Variants in SLC38A8 observed in about 807,000 individuals in gnomAD.
The protein encoded by SLC38A8 is amino acid transporter SLC38A8.
In SLC38A8, 65 loss-of-function variants were observed where a neutral mutation model predicts 46.0. The ratio of observed to expected loss-of-function variants is 1.41; its 90% CI spans 1.16 to 1.74. The LOEUF is 1.74. SLC38A8 is among the 40% of genes most tolerant of loss of function. The probability of loss-of-function intolerance (pLI) is 0.00; values close to 1 mark genes in which losing one functional copy is unlikely to be tolerated. For synonymous variants in SLC38A8, 447 were observed against 243.7 expected (o/e 1.83, Z -7.77); for missense variants, 998 against 567.9 (o/e 1.76, Z -7.70).
intron 3 of SLC38A8, among the ~76,000 whole-genome samples, chr16:84,034,003 C>T (rs948921213): frequency 6.6e-6 from 1 of 152,182 alleles, no homozygotes; most frequent in Non-Finnish European, 1.5e-5. Context: ...GCTGGCCAAT[C>T]CTCCTCCATA....
At chr16:84,041,793 C>G (rs1307195971) in intron 2 of SLC38A8, among the ~76,000 whole-genome samples, 176 bp downstream of exon 2, 1 of 152,208 alleles carries the variant, frequency 6.6e-6, no homozygotes, top group East Asian at 1.9e-4. Flanking sequence ...TATTCTCATC[C>G]CAGGGCTACA....
In SLC38A8 at chr16:84,031,907, A is replaced by G. The variant is rs775411978; in HGVS notation, c.592T>C (p.Trp198Arg). The G allele has an allele frequency of 5.0e-6, 8 of 1,614,196 alleles. No homozygotes were observed. In the South Asian group the frequency reaches 8.8e-5, roughly 18 times the overall value. Reference sequence around the variant, plus strand: ...GACTCACGCACGAGGCCCTGGGGCCAGAGGTAGTACTGCACGGTGATGACC... The same window carrying G: ...GACTCACGCACGAGGCCCTGGGGCCGGAGGTAGTACTGCACGGTGATGACC... The part of the protein sequence containing the change: ...ALVITVQYYL[W>R]PQGLVRESHP... Residue 198 changes from tryptophan to arginine, a missense_variant, in exon 5 of 11, where the codon TGG (tryptophan) becomes CGG (arginine). By Grantham distance (101) the Trp-to-Arg change is moderately radical. Transcript: ENST00000299709.
intron 10 of SLC38A8, among the ~76,000 whole-genome samples, chr16:84,012,682 T>C (rs1235471341): frequency 1.3e-5 from 2 of 152,198 alleles, no homozygotes; most frequent in African/African-American, 2.4e-5. Flanking sequence ...GATCCTGCCC[T>C]GGGTCCGAGC....
At position 84,042,132 on chromosome 16, in the gene SLC38A8, C is replaced by T; in HGVS notation, c.26G>A (p.Arg9Lys). The stretch of plus-strand genomic sequence containing the variant: ...AGGGTGAGGCTTTTCTGGAAGGCCC[C>T]TGCTTCCTGGGGTCTGTCCCTCCAT... MEGQTPGSRGLPEKPHPAT... is the reference protein window; with the variant it reads MEGQTPGSKGLPEKPHPAT... The change falls in exon 2 of 11, where the codon AGG becomes AAG. Residue 9 changes from arginine (R) to lysine (K), a missense_variant. By Grantham distance (26) the Arg-to-Lys change is conservative. Coordinates refer to ENST00000299709, the MANE Select transcript of SLC38A8 (RefSeq NM_001080442.3). 4 of 1,613,318 alleles carry T rather than the reference C, an allele frequency of 2.5e-6. No individual in the cohort carries two copies. Among genetic ancestry groups the T allele is most frequent in the Non-Finnish European group, 3.4e-6 (4 of 1,179,692 alleles).
chr16:84,033,407 A>C lies in SLC38A8; in HGVS notation c.451T>G (p.Phe151Val), dbSNP rs775064712. 1 of 1,613,680 alleles carries C rather than the reference A, an allele frequency of 6.2e-7. No homozygotes were observed. The highest frequency in any genetic ancestry group is 8.5e-7 in the Non-Finnish European group (1 of 1,179,898). ...APQPWYADQR[F>V]TLPLLSVLVI... The stretch of plus-strand genomic sequence containing the variant: ...AGCACGGAGAGCAGGGGCAGGGTGA[A>C]GCGCTGGTCTGCGTACCACGGCTGC... The change falls in exon 4 of 11, where the codon TTC becomes GTC. Residue 151 changes from phenylalanine to valine, a missense_variant. Phe to Val is a conservative substitution (Grantham distance 50). Transcript: ENST00000299709.
chr16:84,032,929 C>G (rs58144934), intron 4 of SLC38A8, among the ~76,000 whole-genome samples: 1,856 of 41,456 alleles, frequency 0.045, 25 homozygotes, highest in Middle Eastern at 0.16. Context: ...GGTGTGGGTA[C>G]GTGGGTGTGC....
Position 84,022,777 on chromosome 16 carries a change from G to A in SLC38A8, c.803C>T (p.Thr268Met), listed in dbSNP as rs140852462. The A allele has an allele frequency of 6.4e-5, 104 of 1,613,482 alleles. No homozygotes were observed. Among genetic ancestry groups the A allele is most frequent in the Non-Finnish European group, 7.5e-5 (88 of 1,179,602 alleles). The change falls in exon 7 of 11, where the codon ACG becomes ATG. Residue 268 changes from threonine (T) to methionine (M), a missense_variant and splice_region_variant. Transcript: ENST00000299709. ...LLACCLIYSL[T>M]GVYGFLTFGT... ...GGGGTGCCTGGGAAGGGCCTTACCC[G>A]TCAGTGAATAGATGAGGCAGCAGGC...
chr16:84,026,755 A>C (rs2085169094), intron 6 of SLC38A8, among the ~76,000 whole-genome samples: 1 of 152,230 alleles, frequency 6.6e-6, no homozygotes, highest in Admixed American at 6.5e-5. Context: ...AACATGGATG[A>C]ATCCCACCAA....
At chr16:84,031,580 C>T (rs961464446) in intron 5 of SLC38A8, among the ~76,000 whole-genome samples, 32 of 145,640 alleles carry the variant, frequency 2.2e-4, no homozygotes, top group African/African-American at 7.3e-4. Flanking sequence ...TACCTCCACA[C>T]TGTGGGGACA....
At position 84,031,069 on chromosome 16, in the gene SLC38A8, C is replaced by G. The variant is rs139763924; in HGVS notation, c.632+798G>C. ...ATTTTTTTCTTTTTTGAGACAGAGT[C>G]TTGCTCTGTTGCCCAGGCTGGAGTG... On this transcript the variant is annotated intron_variant, in intron 5 of 10. Coordinates refer to ENST00000299709, the MANE Select transcript of SLC38A8 (RefSeq NM_001080442.3). Among the ~76,000 whole-genome samples the G allele has an allele frequency of 1.2e-3, 186 of 152,240 alleles. 9 individuals carry two copies. In the East Asian group the frequency reaches 0.031, roughly 26 times the overall value.
Position 84,016,571 on chromosome 16 carries a change from C to A in SLC38A8, c.1110G>T (p.Glu370Asp), listed in dbSNP as rs1400195404. 1 of 1,613,978 alleles carries A rather than the reference C, an allele frequency of 6.2e-7. No homozygotes were observed. The highest frequency in any genetic ancestry group is 1.7e-5 in the Admixed American group (1 of 59,998). ...AMALFMPDLSEIVSIIGGISS... is the reference protein window; with the variant it reads ...AMALFMPDLSDIVSIIGGISS... ...TGATGCCTCCGATGATGCTGACGAT[C>A]TCGCTGAGGTCAGGCATAAACAGCG... Residue 370 changes from glutamate (E) to aspartate (D), a missense_variant, in exon 9 of 11, where the codon GAG (glutamate) becomes GAT (aspartate). Coordinates refer to ENST00000299709, the MANE Select transcript of SLC38A8 (RefSeq NM_001080442.3).
intron 7 of SLC38A8, 23 bp downstream of exon 7, chr16:84,022,752 G>C: frequency 1.3e-6 from 2 of 1,593,882 alleles, no homozygotes; most frequent in Non-Finnish European, 1.7e-6. Context: ...ACCCTCTGCA[G>C]GGGTGCCTGG....
Position 84,033,489 on chromosome 16 carries a change from A to G in SLC38A8, c.389-20T>C, listed in dbSNP as rs1032719172. On this transcript the variant is annotated intron_variant, in intron 3 of 10. Transcript: ENST00000299709. ...CACACACTGCCAGAGACACGGGGAG[A>G]GCTGAGCCACAGAGTACAAATGCCG... 2 of 1,579,966 alleles carry G rather than the reference A, an allele frequency of 1.3e-6. No individual in the cohort carries two copies. Among genetic ancestry groups the G allele is most frequent in the Admixed American group, 3.5e-5 (2 of 56,610 alleles).
intron 9 of SLC38A8, among the ~76,000 whole-genome samples, chr16:84,014,964 T>A (rs894492354): frequency 6.6e-6 from 1 of 152,174 alleles, no homozygotes; most frequent in African/African-American, 2.4e-5. Flanking sequence ...CATTCGAGTT[T>A]TGGAAGACCT....
intron 3 of SLC38A8, among the ~76,000 whole-genome samples, chr16:84,035,859 T>C (rs975386257): frequency 7.9e-5 from 12 of 152,264 alleles, no homozygotes; most frequent in African/African-American, 2.7e-4. Flanking sequence ...TTTAACATCC[T>C]TCTCTTAGGA....
intron 6 of SLC38A8, among the ~76,000 whole-genome samples, chr16:84,025,598 G>A (rs903078461): frequency 1.3e-5 from 2 of 152,062 alleles, no homozygotes; most frequent in African/African-American, 2.4e-5. Flanking sequence ...AACACTACAG[G>A]GCTTACCCAC....
chr16:84,029,725 G>A (rs928127596), intron 5 of SLC38A8, among the ~76,000 whole-genome samples, 174 bp from the exon 6 acceptor site: 1 of 144,436 alleles, frequency 6.9e-6, no homozygotes, highest in African/African-American at 2.5e-5. Flanking sequence ...AAGGATGCTG[G>A]CTAAATGCTG....
intron 7 of SLC38A8, among the ~76,000 whole-genome samples, chr16:84,021,832 A>G (rs1463952589): frequency 1.3e-5 from 2 of 152,260 alleles, no homozygotes; most frequent in Admixed American, 1.3e-4. Flanking sequence ...CAGGATCAAG[A>G]GGCTACATCT....
rs201016030 is a variant in SLC38A8 at position 84,033,313 on chromosome 16, C to A, written c.530+15G>T. Reference sequence around the variant, plus strand: ...CAAGGTGGGGGCCCCCACCAGGCAGCATCCCAGCCCTTACCTTGTGTATTT... The same window carrying A: ...CAAGGTGGGGGCCCCCACCAGGCAGAATCCCAGCCCTTACCTTGTGTATTT... On this transcript the variant is annotated intron_variant, in intron 4 of 10. Coordinates refer to ENST00000299709, the MANE Select transcript of SLC38A8 (RefSeq NM_001080442.3). The A allele has an allele frequency of 6.2e-7, 1 of 1,613,990 alleles. No homozygotes were observed. The highest frequency in any genetic ancestry group is 1.1e-5 in the South Asian group (1 of 91,076).
Sources: gnomAD v4.1 joint callset for allele counts (sites outside exome capture counted in the v4.1 genomes callset) on GRCh38, gnomAD v4.1.1 for gene constraint, MANE v1.5 for transcripts, NCBI Gene and HGNC (gene_info 2026-07-23, HGNC 2026-07-21) for gene names.